Variants in DENND1A observed in about 807,000 individuals in gnomAD.
DENND1A encodes DENN domain-containing protein 1A.
Under a neutral mutation model 113.7 loss-of-function variants are expected in DENND1A, and 51 were observed. That is an observed-to-expected ratio of 0.45 (90% CI 0.36 to 0.57). The LOEUF is 0.57. Ranked by LOEUF, DENND1A falls within the 20% of genes least tolerant of loss-of-function variation. The probability of loss-of-function intolerance (pLI) is 0.00; values close to 1 mark genes in which losing one functional copy is unlikely to be tolerated. For synonymous variants in DENND1A, 565 were observed against 570.8 expected, an observed-to-expected ratio of 0.99 and a Z score of 0.14; for missense variants, 1,258 against 1,395.9, an observed-to-expected ratio of 0.90 and a Z score of 1.57.
chr9:123,646,385 G>C (rs764880473), intron 9 of DENND1A, among the ~76,000 whole-genome samples: 16 of 152,052 alleles, frequency 1.1e-4, no homozygotes, highest in Non-Finnish European at 2.1e-4. Context: ...ACTAGAAATG[G>C]GATAAAGGGG....
intron 19 of DENND1A, among the ~76,000 whole-genome samples, chr9:123,420,356 C>G (rs139607861): frequency 6.6e-6 from 1 of 152,192 alleles, no homozygotes; most frequent in African/African-American, 2.4e-5. Context: ...TCACTCTGAA[C>G]GGCAGACTCC....
At chr9:123,532,435 G>A (rs1431754603) in intron 13 of DENND1A, among the ~76,000 whole-genome samples, 2 of 152,118 alleles carry the variant, frequency 1.3e-5, no homozygotes, top group Non-Finnish European at 2.9e-5. Context: ...TAGTTCTTGG[G>A]TTGTCCTTTG....
In DENND1A at chr9:123,381,947, G is replaced by T. The variant is rs1449482454; in HGVS notation, c.2698C>A (p.Pro900Thr). 1 of 1,464,848 alleles carries T rather than the reference G, an allele frequency of 6.8e-7. No individual in the cohort carries two copies. Among genetic ancestry groups the T allele is most frequent in the East Asian group, 2.4e-5 (1 of 42,206 alleles). The allele number at this position is 1,464,848 out of a possible 1,614,324, so 90.7% of individuals were successfully genotyped here. A position where few individuals can be genotyped will look rare whatever the true frequency, so the allele number is the denominator to read the frequency against. ...AGGGGCAGGGTGGGTGGGGCTGCTG[G>T]CATGGATGGGACAAAGGGGTTGAGT... is the stretch of plus-strand genomic sequence containing the variant. ...PPLNPFVPSM[P>T]AAPPTLPLVS... The change falls in exon 24 of 24, where the codon CCA (proline) becomes ACA (threonine). Residue 900 changes from proline to threonine, a missense_variant. Around this residue, in one of 2 missense-constraint regions of DENND1A, gnomAD observed 1,159 missense variants for 1,231.7 expected, o/e 0.94. Transcript: ENST00000394215. This position sits in a 1 kb window ranked among gnomAD's most constrained non-coding sequence, Gnocchi z 4.7.
At chr9:123,494,949 G>A (rs370040560) in intron 13 of DENND1A, among the ~76,000 whole-genome samples, 2 of 151,964 alleles carry the variant, frequency 1.3e-5, no homozygotes, top group Admixed American at 6.6e-5. Flanking sequence ...GTGCCACCAC[G>A]CCAGGATAAT....
At chr9:123,579,162 T>G (rs529943616) in intron 12 of DENND1A, among the ~76,000 whole-genome samples, 116 of 152,370 alleles carry the variant, frequency 7.6e-4, no homozygotes, top group African/African-American at 2.7e-3. Context: ...CATCAGCTAC[T>G]GTCGATTGTG....
At chr9:123,424,578 G>T (rs1384468469) in intron 19 of DENND1A, among the ~76,000 whole-genome samples, 1 of 152,190 alleles carries the variant, frequency 6.6e-6, no homozygotes. Flanking sequence ...ATTCCCAGCT[G>T]CTATTTCTCT....
At chr9:123,431,129 C>T (rs2046103418) in intron 19 of DENND1A, among the ~76,000 whole-genome samples, 1 of 152,124 alleles carries the variant, frequency 6.6e-6, no homozygotes, top group Admixed American at 6.5e-5. Flanking sequence ...TCTCATGTAC[C>T]CTAACTAAAT....
chr9:123,832,513 G>T (rs1176099640), intron 2 of DENND1A, among the ~76,000 whole-genome samples: 2 of 152,116 alleles, frequency 1.3e-5, no homozygotes, highest in African/African-American at 4.8e-5. Flanking sequence ...TCACTCCTAT[G>T]TACATACCAA....
intron 5 of DENND1A, among the ~76,000 whole-genome samples, chr9:123,724,255 T>C (rs1044635550): frequency 2.0e-5 from 3 of 152,188 alleles, no homozygotes; most frequent in African/African-American, 7.2e-5. Context: ...TGAGGGAGGC[T>C]GAAGGGAGGG....
At chr9:123,826,338 G>T (rs1051320227) in intron 2 of DENND1A, among the ~76,000 whole-genome samples, 1 of 152,108 alleles carries the variant, frequency 6.6e-6, no homozygotes, top group East Asian at 1.9e-4. Context: ...GGGAGGTGGA[G>T]GATGCAATGA....
intron 12 of DENND1A, among the ~76,000 whole-genome samples, chr9:123,570,275 C>T (rs906954466): frequency 3.3e-5 from 5 of 152,166 alleles, no homozygotes; most frequent in Admixed American, 2.0e-4. Context: ...AGACTCTGAA[C>T]TAGAAACATC....
chr9:123,511,255 C>T (rs563373676), intron 13 of DENND1A, among the ~76,000 whole-genome samples: 21 of 152,358 alleles, frequency 1.4e-4, no homozygotes, highest in Non-Finnish European at 2.5e-4. Flanking sequence ...GGCTCCAGTC[C>T]TGGCTCTGGC....
intron 13 of DENND1A, among the ~76,000 whole-genome samples, chr9:123,543,212 C>T (rs1181069065): frequency 1.3e-5 from 2 of 152,188 alleles, no homozygotes; most frequent in Non-Finnish European, 2.9e-5. Context: ...AAAAATTAAC[C>T]ATCAGCCATT....
Position 123,686,748 on chromosome 9 carries a change from T to A in DENND1A, c.303-9959A>T, listed in dbSNP as rs995081913. Reference sequence around the variant, plus strand: ...AATGCATATTTTTAAGAACTTTTTCTAGAAAAACTATGGCCTATGTCTTAG... The same window carrying A: ...AATGCATATTTTTAAGAACTTTTTCAAGAAAAACTATGGCCTATGTCTTAG... On this transcript the variant is annotated intron_variant, in intron 5 of 23. Coordinates refer to ENST00000394215, the MANE Select transcript of DENND1A (RefSeq NM_001352964.2). Among the ~76,000 whole-genome samples, 91 of 152,256 alleles carry A rather than the reference T, an allele frequency of 6.0e-4. 2 individuals carry two copies. Among genetic ancestry groups the A allele is most frequent in the Non-Finnish European group, 1.2e-4 (8 of 68,048 alleles).
chr9:123,512,318 G>A (rs1428367631), intron 13 of DENND1A, among the ~76,000 whole-genome samples: 5 of 152,224 alleles, frequency 3.3e-5, no homozygotes, highest in African/African-American at 1.2e-4. Flanking sequence ...GGCCCCATGA[G>A]GACCTCGCCT....
In DENND1A at chr9:123,403,371, TACAG is replaced by T; in HGVS notation, c.1631+27_1631+30del. On this transcript the variant is annotated intron_variant, in intron 21 of 23. Transcript: ENST00000394215. ...GCTGGCTCCGCAGACACAGGGTTCTTACAGACAGAGGGGAGAGGCACAATACTCA... is the reference window on the plus strand; with the variant it reads ...GCTGGCTCCGCAGACACAGGGTTCTTACAGAGGGGAGAGGCACAATACTCA... 5 of 1,611,410 alleles carry T rather than the reference TACAG, an allele frequency of 3.1e-6. No individual in the cohort carries two copies. The Middle Eastern group carries it at 5.0e-4, about 160-fold the overall frequency.
chr9:123,664,028 C>T (rs17215740), intron 8 of DENND1A, among the ~76,000 whole-genome samples: 4,499 of 152,142 alleles, frequency 0.03, 71 homozygotes, highest in African/African-American at 0.04. Context: ...CTGGGGTTCC[C>T]GGTTGCACAC....
chr9:123,418,112 T>A (rs2044898991), intron 19 of DENND1A, among the ~76,000 whole-genome samples: 1 of 152,174 alleles, frequency 6.6e-6, no homozygotes, highest in Non-Finnish European at 1.5e-5. Flanking sequence ...CTTGACGTCC[T>A]TGGTATAGAA....
chr9:123,381,390 G>T lies in DENND1A; in HGVS notation c.*42C>A. 1 of 1,583,098 alleles carries T rather than the reference G, an allele frequency of 6.3e-7. No homozygotes were observed. Among genetic ancestry groups the T allele is most frequent in the South Asian group, 1.2e-5 (1 of 86,924 alleles). ...AGCCTCGGAACCGCAGCAGTGGACG[G>T]ACCCTCGGGCCTCGGTGCATCCCCC... On this transcript the variant is annotated 3_prime_UTR_variant, in exon 24 of 24. Transcript: ENST00000394215. This position sits in a 1 kb window ranked among gnomAD's most constrained non-coding sequence, Gnocchi z 4.7.
Sources: gnomAD v4.1 joint callset for allele counts (sites outside exome capture counted in the v4.1 genomes callset) on GRCh38, gnomAD v4.1.1 for gene constraint, gnomAD v4.1.1 regional missense constraint, Gnocchi (gnomAD v3.1) non-coding constraint, MANE v1.5 for transcripts, NCBI Gene and HGNC (gene_info 2026-07-23, HGNC 2026-07-21) for gene names.